The following DLG2 variants were observed in gnomAD, a reference collection of about 807,000 sequenced individuals.
DLG2 encodes the protein discs large MAGUK scaffold protein 2.
A neutral mutation model predicts 132.5 loss-of-function variants in DLG2; 45 were observed. That is an observed-to-expected ratio of 0.34 (90% CI 0.27 to 0.44). The LOEUF is 0.44. Among genes scored for constraint, DLG2 ranks in the 20% least tolerant of loss-of-function variants. The probability of loss-of-function intolerance (pLI) is 1.00; values close to 1 mark genes in which losing one functional copy is unlikely to be tolerated. For synonymous variants in DLG2, 424 were observed against 419.6 expected, an observed-to-expected ratio of 1.01 and a Z score of -0.13; for missense variants, 1,045 against 1,196.9, an observed-to-expected ratio of 0.87 and a Z score of 1.87.
chr11:85,573,806 A>G (rs2077987074), intron 3 of DLG2, among the ~76,000 whole-genome samples: 1 of 152,224 alleles, frequency 6.6e-6, no homozygotes, highest in Non-Finnish European at 1.5e-5. Context: ...AATGATCTTG[A>G]TAAATCAATT....
chr11:83,782,471 G>C (rs903492616), intron 18 of DLG2, among the ~76,000 whole-genome samples: 1 of 152,170 alleles, frequency 6.6e-6, no homozygotes, highest in African/African-American at 2.4e-5. Flanking sequence ...GGCACACCAG[G>C]TGTTTACATA....
intron 3 of DLG2, among the ~76,000 whole-genome samples, chr11:85,476,381 A>G (rs1327581731): frequency 6.6e-6 from 1 of 152,140 alleles, no homozygotes; most frequent in Non-Finnish European, 1.5e-5. Flanking sequence ...ACTCTACACT[A>G]CTGTAGACTT....
chr11:85,059,651 G>A (rs779934389), intron 6 of DLG2, among the ~76,000 whole-genome samples: 4 of 151,460 alleles, frequency 2.6e-5, no homozygotes, highest in Admixed American at 1.3e-4. Flanking sequence ...AATTTTGAGT[G>A]AAATAAGCAA....
rs1241392005 is a variant in DLG2, at chr11:83,791,517, T to C, written c.1723-4725A>G. 9 of 618,232 alleles carry C rather than the reference T, an allele frequency of 1.5e-5. No individual in the cohort carries two copies. In the East Asian group the frequency reaches 3.1e-4, roughly 21 times the overall value. 38.3% of individuals were successfully genotyped at this position (618,232 alleles called of 1,614,324 possible). ...TTGTTGTACTACCATGAAATCAGTT[T>C]ATTTTTTACTTTTATTCAAGTTAAA... is the stretch of plus-strand genomic sequence containing the variant. On this transcript the variant is annotated intron_variant, in intron 17 of 27. Transcript: ENST00000376104.
intron 3 of DLG2, among the ~76,000 whole-genome samples, chr11:85,491,920 G>T (rs2153107369): frequency 6.7e-6 from 1 of 149,088 alleles, no homozygotes; most frequent in South Asian, 2.1e-4. Flanking sequence ...ACTACAAAAG[G>T]CCCTGAATAG....
chr11:84,961,526 T>TTGTGTGTG (rs71465017), intron 6 of DLG2, among the ~76,000 whole-genome samples: 36 of 143,876 alleles, frequency 2.5e-4, no homozygotes, highest in South Asian at 6.9e-4. Context: ...AATTGTATCT[T>TTGTGTGTG]TGTGTGTGTG....
chr11:83,517,091 T>C lies in DLG2; in HGVS notation c.2193+15617A>G, dbSNP rs534603274. 5.7e-3 allele frequency among the ~76,000 whole-genome samples: 864 copies of C among 152,322 alleles called. 1 individual carries two copies. The highest frequency in any genetic ancestry group is 0.014 in the Middle Eastern group (4 of 294). On this transcript the variant is annotated intron_variant, in intron 21 of 27. Coordinates refer to ENST00000376104, the MANE Select transcript of DLG2 (RefSeq NM_001142699.3). ...GGCCTGCCTTGCTAGATTGGGGAAG[T>C]TCTCCTGGATAATATCCTGCAGAGT...
Position 85,504,825 on chromosome 11 carries a change from T to A in DLG2, c.40+93832A>T, listed in dbSNP as rs1229436792. 3.3e-5 allele frequency among the ~76,000 whole-genome samples: 5 copies of A among 152,204 alleles called. No individual in the cohort carries two copies. In the East Asian group the frequency reaches 9.6e-4, roughly 29 times the overall value. ...GGACAGTATGGCCATTTTCACAATATTGATTCTTCCTATCCATGAGCATGG... is the reference window on the plus strand; with the variant it reads ...GGACAGTATGGCCATTTTCACAATAATGATTCTTCCTATCCATGAGCATGG... On this transcript the variant is annotated intron_variant, in intron 3 of 27. Transcript: ENST00000376104.
At chr11:85,366,939 G>T (rs1178259709) in intron 3 of DLG2, among the ~76,000 whole-genome samples, 1 of 151,976 alleles carries the variant, frequency 6.6e-6, no homozygotes, top group African/African-American at 2.4e-5. Flanking sequence ...TTTCAATTAT[G>T]TATCACTGTG....
At chr11:85,068,384 T>C (rs998646744) in intron 6 of DLG2, among the ~76,000 whole-genome samples, 1 of 152,120 alleles carries the variant, frequency 6.6e-6, no homozygotes, top group Non-Finnish European at 1.5e-5. Flanking sequence ...GATGACATGA[T>C]TATATATGTA....
intron 3 of DLG2, among the ~76,000 whole-genome samples, chr11:85,377,115 G>T (rs1224020418): frequency 6.6e-6 from 1 of 152,028 alleles, no homozygotes; most frequent in Non-Finnish European, 1.5e-5. Context: ...AACTGTGTCT[G>T]GCTATAGAAT....
chr11:83,603,126 C>A (rs527742388), intron 19 of DLG2, among the ~76,000 whole-genome samples: 1 of 151,844 alleles, frequency 6.6e-6, no homozygotes, highest in South Asian at 2.1e-4. Flanking sequence ...AGAGATAGAT[C>A]GCATATTCAA....
intron 4 of DLG2, among the ~76,000 whole-genome samples, chr11:85,246,635 G>A (rs11821282): frequency 6.7e-6 from 1 of 149,768 alleles, no homozygotes. Context: ...TAAGTATGAT[G>A]AAGATTAATT....
At chr11:84,382,398 T>G (rs1288412340) in intron 7 of DLG2, among the ~76,000 whole-genome samples, 1 of 152,094 alleles carries the variant, frequency 6.6e-6, no homozygotes, top group African/African-American at 2.4e-5. Context: ...CAGCATAAAA[T>G]CTTTACTTAT....
chr11:85,157,444 G>A (rs2077669238), intron 4 of DLG2, among the ~76,000 whole-genome samples: 1 of 151,676 alleles, frequency 6.6e-6, no homozygotes, highest in South Asian at 2.1e-4. Flanking sequence ...TGTTTAGAGA[G>A]TTATGCAAGA....
At chr11:85,613,475 A>G (rs1015590617) in intron 2 of DLG2, among the ~76,000 whole-genome samples, 17 of 152,146 alleles carry the variant, frequency 1.1e-4, no homozygotes, top group Non-Finnish European at 2.1e-4. Context: ...TTGAGAGGTG[A>G]AGCCAGCTGG....
At chr11:85,348,565 A>T (rs1011818817) in intron 3 of DLG2, among the ~76,000 whole-genome samples, 3 of 152,122 alleles carry the variant, frequency 2.0e-5, no homozygotes, top group Admixed American at 6.5e-5. Flanking sequence ...ATACCAAGGC[A>T]TTTAGCAGCC....
chr11:83,892,839 A>T (rs1341643895), intron 15 of DLG2, among the ~76,000 whole-genome samples: 1 of 152,194 alleles, frequency 6.6e-6, no homozygotes, highest in Non-Finnish European at 1.5e-5. Flanking sequence ...CACCTGGTAT[A>T]TGCAAGGAAT....
intron 3 of DLG2, among the ~76,000 whole-genome samples, chr11:85,389,464 G>T (rs1456239832): frequency 6.6e-6 from 1 of 152,096 alleles, no homozygotes; most frequent in South Asian, 2.1e-4. Context: ...AACTTCCCTG[G>T]TCATGCTAGA....
Sources: allele counts gnomAD v4.1 joint callset (sites outside exome capture counted in the v4.1 genomes callset), GRCh38; gene constraint gnomAD v4.1.1; transcripts MANE v1.5; gene names NCBI Gene and HGNC (gene_info 2026-07-23, HGNC 2026-07-21).